Variants in MMP17 observed in about 807,000 individuals in gnomAD.
The protein encoded by MMP17 is matrix metalloproteinase-17.
A neutral mutation model predicts 49.1 loss-of-function variants in MMP17; 54 were observed. That is an observed-to-expected ratio of 1.10 (90% CI 0.88 to 1.38). The LOEUF is 1.38. Among genes scored for constraint, MMP17 ranks in the 40% most tolerant of loss-of-function variants. The pLI, the probability that MMP17 is intolerant of heterozygous loss-of-function variation, is 0.00. For missense variants in MMP17, 837 were observed against 853.7 expected (o/e 0.98, Z 0.24); for synonymous variants, 397 against 383.1 (o/e 1.04, Z -0.42).
chr12:131,847,412 CAA>C (rs543194949), intron 8 of MMP17, among the ~76,000 whole-genome samples: 16 of 66,906 alleles, frequency 2.4e-4, no homozygotes, highest in East Asian at 9.2e-4. Context: ...GACTCCGTCT[CAA>C]AAAAAAAAAA....
intron 1 of MMP17, among the ~76,000 whole-genome samples, chr12:131,829,867 C>T (rs528995623): frequency 7.9e-4 from 120 of 152,356 alleles, no homozygotes; most frequent in African/African-American, 2.8e-3. Flanking sequence ...GTGCTGGCCA[C>T]TGTCCCTGCT....
At chr12:131,834,335 A>G (rs1252720246) in intron 1 of MMP17, among the ~76,000 whole-genome samples, 2 of 151,168 alleles carry the variant, frequency 1.3e-5, no homozygotes, top group Non-Finnish European at 3.0e-5. Flanking sequence ...TGGAAGGTTC[A>G]CCCTGCTGCT....
chr12:131,849,150 A>G (rs1887848986), intron 8 of MMP17, among the ~76,000 whole-genome samples: 1 of 152,150 alleles, frequency 6.6e-6, no homozygotes, highest in Non-Finnish European at 1.5e-5. Context: ...GACGTTGACC[A>G]TCTTCAAGTG....
chr12:131,847,590 C>G (rs1887776016), intron 8 of MMP17, among the ~76,000 whole-genome samples: 2 of 152,260 alleles, frequency 1.3e-5, no homozygotes, highest in African/African-American at 4.8e-5. Flanking sequence ...GCTCCCCTGC[C>G]TTGCACACAT....
intron 1 of MMP17, among the ~76,000 whole-genome samples, chr12:131,829,101 G>A (rs905409248): frequency 1.1e-4 from 16 of 152,214 alleles, no homozygotes; most frequent in Non-Finnish European, 5.9e-5. Flanking sequence ...CAGGGGCTAC[G>A]GAGTGGGGGC....
chr12:131,848,637 TGA>T (rs1887824138), intron 8 of MMP17, among the ~76,000 whole-genome samples: 2 of 150,928 alleles, frequency 1.3e-5, no homozygotes, highest in African/African-American at 2.4e-5. Flanking sequence ...CCCATGGCTC[TGA>T]GTGTTCCAGG....
chr12:131,845,049 TGCCGCAGGATGCCCTGTCCCGCGCTGCC>T, intron 6 of MMP17, 41 bp from the exon 7 acceptor site: 3 of 1,413,838 alleles, frequency 2.1e-6, no homozygotes, highest in East Asian at 3.1e-5. Context: ...TCAGGGGCTC[TGCCGCAGGATGCCCTGTCCCGCGCTGCC>T]CAGGCCCCGC....
Position 131,851,093 on chromosome 12 carries a change from C to G in MMP17, c.1631C>G (p.Ala544Gly). The G allele has an allele frequency of 6.2e-7, 1 of 1,602,390 alleles. No individual in the cohort carries two copies. Among genetic ancestry groups the G allele is most frequent in the Non-Finnish European group, 8.5e-7 (1 of 1,175,120 alleles). The change falls in exon 10 of 10, where the codon GCC becomes GGC. Residue 544 changes from alanine (A) to glycine (G), a missense_variant. By Grantham distance (60) the Ala-to-Gly change is moderately conservative. Transcript: ENST00000360564. Reference sequence around the variant, plus strand: ...GTGGACGCGGCAGAGGGGCCCCGCGCCCCTCCAGGACAACATGACCAGAGC... The same window carrying G: ...GTGGACGCGGCAGAGGGGCCCCGCGGCCCTCCAGGACAACATGACCAGAGC... ...AGVDAAEGPR[A>G]PPGQHDQSRS...
intron 1 of MMP17, among the ~76,000 whole-genome samples, chr12:131,833,509 C>T (rs561288777): frequency 2.0e-4 from 31 of 152,210 alleles, no homozygotes; most frequent in Non-Finnish European, 4.1e-4. Flanking sequence ...TCACTCCAAC[C>T]GAGGGTCAGC....
At chr12:131,835,276 G>A (rs373290352) in intron 1 of MMP17, among the ~76,000 whole-genome samples, 34 of 152,260 alleles carry the variant, frequency 2.2e-4, no homozygotes, top group African/African-American at 8.0e-4. Context: ...GGCCACAGGC[G>A]ACAGTGCCTG....
rs1566085260 is a variant in MMP17 at position 131,838,287 on chromosome 12, C to T, written c.252C>T (p.Ala84=). The change falls in exon 2 of 10, where the codon GCC becomes GCT. Residue 84 remains alanine, a synonymous_variant. Coordinates refer to ENST00000360564, the MANE Select transcript of MMP17 (RefSeq NM_016155.7). ...AGGAGCTGTCTAAGGCCATCACAGC[C>T]ATGCAGCAGTTTGGTGGCCTGGAGG... ...TQEELSKAIT[A]MQQFGGLEAT... is the part of the protein sequence containing the mutation. 6.2e-7 allele frequency: 1 copy of T among 1,613,314 alleles called. No homozygotes were observed. Among genetic ancestry groups the T allele is most frequent in the Admixed American group, 1.7e-5 (1 of 60,024 alleles).
In MMP17 at chr12:131,838,684, G is replaced by A. The variant is rs529878434; in HGVS notation, c.365G>A (p.Arg122His). The A allele has an allele frequency of 1.4e-5, 23 of 1,607,602 alleles. No homozygotes were observed. The highest frequency in any genetic ancestry group is 1.2e-4 in the South Asian group (11 of 90,040). ...GACCTCCCTGTCCTGACCCAGGCTCGCAGGAGACGCCAGGCTCCAGCCCCC... is the reference window on the plus strand; with the variant it reads ...GACCTCCCTGTCCTGACCCAGGCTCACAGGAGACGCCAGGCTCCAGCCCCC... Reference protein sequence around the residue: ...LPDLPVLTQARRRRQAPAPTK... With the variant: ...LPDLPVLTQAHRRRQAPAPTK... The change falls in exon 3 of 10, where the codon CGC (arginine) becomes CAC (histidine). Residue 122 changes from arginine to histidine, a missense_variant. Arg to His is a conservative substitution (Grantham distance 29). Coordinates refer to ENST00000360564, the MANE Select transcript of MMP17 (RefSeq NM_016155.7).
chr12:131,838,132 G>A, intron 1 of MMP17, 63 bp from the exon 2 acceptor site: 1 of 1,519,248 alleles, frequency 6.6e-7, no homozygotes, highest in Non-Finnish European at 8.8e-7. Context: ...GCCCGTGGCA[G>A]GCTTCTCACT....
Position 131,851,660 on chromosome 12 carries a change from C to CGTCCCCAG in MMP17, c.*395_*402dup, listed in dbSNP as rs1887980478. 1 of 200,750 alleles carries CGTCCCCAG rather than the reference C, an allele frequency of 5.0e-6. No individual in the cohort carries two copies. Among genetic ancestry groups the CGTCCCCAG allele is most frequent in the African/African-American group, 2.3e-5 (1 of 43,448 alleles). The allele number at this position is 200,750 out of a possible 1,614,324, so 12.4% of individuals were successfully genotyped here. On this transcript the variant is annotated 3_prime_UTR_variant, in exon 10 of 10. Transcript: ENST00000360564. ...TGCTCCCGCCGGCCCACAGGGCCTC[C>CGTCCCCAG]GTCCCCAGGTCCCCAGTGGGGCAGC...
In MMP17 at chr12:131,828,469, G is replaced by T; in HGVS notation, c.-26G>T. On this transcript the variant is annotated 5_prime_UTR_variant, in exon 1 of 10. Transcript: ENST00000360564. ...AAGCGGAGGGCGCGGGACCCTGCAC[G>T]CCGCCCGCGGGCCCATGTGAGCGCC... is the stretch of plus-strand genomic sequence containing the variant. 2.0e-6 allele frequency: 2 copies of T among 990,754 alleles called. No individual in the cohort carries two copies. The highest frequency in any genetic ancestry group is 4.6e-5 in the South Asian group (1 of 21,964). The allele number at this position is 990,754 out of a possible 1,614,324, so 61.4% of individuals were successfully genotyped here.
At chr12:131,838,494 A>C in intron 2 of MMP17, 118 bp from the exon 3 acceptor site, 1 of 1,462,714 alleles carries the variant, frequency 6.8e-7, no homozygotes, top group East Asian at 2.4e-5. Context: ...ATGACGTGGG[A>C]GGAGGGGGCG....
chr12:131,839,642 T>G (rs970886648), intron 3 of MMP17, among the ~76,000 whole-genome samples: 1 of 152,102 alleles, frequency 6.6e-6, no homozygotes, highest in African/African-American at 2.4e-5. Context: ...CCCAACTAAT[T>G]TTTTGTATTT....
intron 1 of MMP17, among the ~76,000 whole-genome samples, chr12:131,835,506 T>G (rs1441985315): frequency 6.6e-6 from 1 of 151,750 alleles, no homozygotes; most frequent in East Asian, 1.9e-4. Context: ...GGGACCAGAG[T>G]GGGGGGTGCC....
chr12:131,837,895 A>G (rs560078218), intron 1 of MMP17, among the ~76,000 whole-genome samples: 2 of 152,238 alleles, frequency 1.3e-5, no homozygotes, highest in Admixed American at 1.3e-4. Context: ...TATTTTTAGT[A>G]GAGACGGGGT....
Sources: gnomAD v4.1 joint callset for allele counts (sites outside exome capture counted in the v4.1 genomes callset) on GRCh38, gnomAD v4.1.1 for gene constraint, MANE v1.5 for transcripts, NCBI Gene and HGNC (gene_info 2026-07-23, HGNC 2026-07-21) for gene names.